HNMT: variants seen among roughly 807,000 people sequenced by gnomAD.
HNMT encodes the protein histamine N-methyltransferase.
A neutral mutation model predicts 32.1 loss-of-function variants in HNMT; 30 were observed. That is an observed-to-expected ratio of 0.93 (90% confidence interval 0.70 to 1.27). The LOEUF (loss-of-function observed/expected upper bound fraction) is 1.27. HNMT is among the 50% of genes most tolerant of loss of function. The pLI is 0.00. For synonymous variants in HNMT, 125 were observed against 119.0 expected (o/e 1.05, Z -0.33); for missense variants, 327 against 346.0 (o/e 0.95, Z 0.43).
chr2:137,981,314 G>A, intron 2 of HNMT: 1 of 1,613,450 alleles, frequency 6.2e-7, no homozygotes, highest in Non-Finnish European at 8.5e-7. Context: ...GAGGATCCAT[G>A]ATGAGCGCTC....
chr2:137,973,786 G>A (rs542570094), intron 2 of HNMT, among the ~76,000 whole-genome samples: 4 of 151,964 alleles, frequency 2.6e-5, no homozygotes, highest in Non-Finnish European at 5.9e-5. Flanking sequence ...TTTTGGGGGG[G>A]GGTGGTCTAT....
At chr2:138,012,742 C>A (rs1407938063) in intron 5 of HNMT, among the ~76,000 whole-genome samples, 1 of 152,062 alleles carries the variant, frequency 6.6e-6, no homozygotes, top group Non-Finnish European at 1.5e-5. Flanking sequence ...TTCTCAGGCG[C>A]CCTCACAGAA....
At chr2:137,968,233 A>G (rs1680019170) in intron 1 of HNMT, among the ~76,000 whole-genome samples, 1 of 152,230 alleles carries the variant, frequency 6.6e-6, no homozygotes, top group African/African-American at 2.4e-5. Flanking sequence ...GTTGTTGCAT[A>G]TAAAACATTT....
At chr2:137,989,744 T>A (rs1680763221) in intron 2 of HNMT, among the ~76,000 whole-genome samples, 1 of 152,224 alleles carries the variant, frequency 6.6e-6, no homozygotes, top group Admixed American at 6.5e-5. Flanking sequence ...TTGCTCCATA[T>A]CTTTCCCAGC....
At chr2:138,010,443 A>G (rs201966514) in intron 5 of HNMT, among the ~76,000 whole-genome samples, 1,423 of 81,550 alleles carry the variant, frequency 0.017, 13 homozygotes, top group Middle Eastern at 0.058. Context: ...AGACACACGC[A>G]CACACACACA....
intron 2 of HNMT, chr2:137,981,537 T>G (rs2104944274): frequency 1.6e-6 from 1 of 623,846 alleles, no homozygotes. Context: ...AAATTAGGTG[T>G]TTTTGCCTGT....
intron 2 of HNMT, among the ~76,000 whole-genome samples, chr2:137,973,056 A>G (rs1680182579): frequency 6.6e-6 from 1 of 152,210 alleles, no homozygotes; most frequent in Non-Finnish European, 1.5e-5. Flanking sequence ...CTTGGGGAGA[A>G]TGTGGGTGCC....
chr2:138,007,711 T>A (rs1304680878), intron 5 of HNMT, among the ~76,000 whole-genome samples: 1 of 152,056 alleles, frequency 6.6e-6, no homozygotes, highest in African/African-American at 2.4e-5. Flanking sequence ...CTTTCTCATC[T>A]TGTTTCACAT....
At chr2:138,008,030 G>T (rs1171309915) in intron 5 of HNMT, among the ~76,000 whole-genome samples, 1 of 151,784 alleles carries the variant, frequency 6.6e-6, no homozygotes, top group African/African-American at 2.4e-5. Context: ...ACATCTGAAG[G>T]TTTGTCACAT....
chr2:137,966,769 CT>C (rs1453986660), intron 1 of HNMT, among the ~76,000 whole-genome samples: 1 of 148,754 alleles, frequency 6.7e-6, no homozygotes, highest in African/African-American at 2.4e-5. Flanking sequence ...GCCCTCTGTT[CT>C]TTTTTTCAGT....
intron 2 of HNMT, among the ~76,000 whole-genome samples, chr2:137,993,824 A>C (rs367680141): frequency 1.3e-5 from 2 of 152,164 alleles, no homozygotes; most frequent in African/African-American, 4.8e-5. Flanking sequence ...CAGACCTCTC[A>C]GCAGAAACTC....
chr2:137,995,656 A>T (rs1680969052), intron 2 of HNMT, among the ~76,000 whole-genome samples: 1 of 152,184 alleles, frequency 6.6e-6, no homozygotes, highest in Admixed American at 6.5e-5. Context: ...CTCTTCCCTA[A>T]CTCATTTTAT....
At chr2:137,983,793 T>C (rs1680572443) in intron 2 of HNMT, among the ~76,000 whole-genome samples, 1 of 152,226 alleles carries the variant, frequency 6.6e-6, no homozygotes, top group Non-Finnish European at 1.5e-5. Flanking sequence ...TGGTGCTGTC[T>C]CTGGGACGGT....
At position 137,997,633 on chromosome 2, in the gene HNMT, G is replaced by T. The variant is rs534353415; in HGVS notation, c.191-3285G>T. 2.2e-3 allele frequency among the ~76,000 whole-genome samples: 338 copies of T among 152,312 alleles called. 2 individuals carry two copies. Among genetic ancestry groups the T allele is most frequent in the African/African-American group, 7.7e-3 (322 of 41,582 alleles). On this transcript the variant is annotated intron_variant, in intron 2 of 5. Coordinates refer to ENST00000280097, the MANE Select transcript of HNMT (RefSeq NM_006895.3). The stretch of plus-strand genomic sequence containing the variant: ...AGTATGGAGATTCCTCAAGAATTTA[G>T]AACCAGAAATACCATTTGACCCAGC...
chr2:137,981,075 C>A, intron 2 of HNMT: 1 of 1,078,262 alleles, frequency 9.3e-7, no homozygotes, highest in South Asian at 2.1e-5. Context: ...TGATAATAAT[C>A]TTAATGCAAC....
At chr2:137,989,635 T>C (rs1453207531) in intron 2 of HNMT, among the ~76,000 whole-genome samples, 1 of 152,214 alleles carries the variant, frequency 6.6e-6, no homozygotes, top group Non-Finnish European at 1.5e-5. Flanking sequence ...TACTGAATCA[T>C]ATGGTAAGGT....
chr2:137,982,697 T>A (rs927079433), intron 2 of HNMT, among the ~76,000 whole-genome samples: 23 of 152,236 alleles, frequency 1.5e-4, no homozygotes, highest in African/African-American at 4.1e-4. Context: ...ATTGAATTTT[T>A]AAGCAATGTA....
intron 3 of HNMT, 42 bp downstream of exon 3, chr2:138,001,067 A>C: frequency 1.0e-6 from 1 of 1,003,124 alleles, no homozygotes; most frequent in Non-Finnish European, 1.5e-6. Context: ...TCCTATCCCA[A>C]AAGACTTAAC....
chr2:138,004,415 G>T (rs1287553976), intron 4 of HNMT, among the ~76,000 whole-genome samples: 1 of 152,046 alleles, frequency 6.6e-6, no homozygotes, highest in African/African-American at 2.4e-5. Context: ...ATGAAGATGA[G>T]ATATAAGAAG....
Sources: gnomAD v4.1 joint callset for allele counts (sites outside exome capture counted in the v4.1 genomes callset) on GRCh38, gnomAD v4.1.1 for gene constraint, MANE v1.5 for transcripts, NCBI Gene and HGNC (gene_info 2026-07-23, HGNC 2026-07-21) for gene names.